MALRD1: variants seen among roughly 807,000 people sequenced by gnomAD.
MALRD1 encodes MAM and LDL-receptor class A domain-containing protein 1.
A neutral mutation model predicts 242.1 loss-of-function variants in MALRD1; 247 were observed. The ratio of observed to expected loss-of-function variants is 1.02; its 90% CI spans 0.92 to 1.13. The LOEUF is 1.13. Ranked by LOEUF, MALRD1 falls within the 50% of genes most tolerant of loss-of-function variation. The probability of loss-of-function intolerance (pLI) is 0.00; values close to 1 mark genes in which losing one functional copy is unlikely to be tolerated. For missense variants in MALRD1, 2,989 were observed against 2,533.1 expected, an observed-to-expected ratio of 1.18 and a Z score of -3.86; for synonymous variants, 995 against 866.6, an observed-to-expected ratio of 1.15 and a Z score of -2.60.
chr10:19,393,914 C>G (rs1381156562), intron 28 of MALRD1, among the ~76,000 whole-genome samples: 1 of 152,138 alleles, frequency 6.6e-6, no homozygotes, highest in Non-Finnish European at 1.5e-5. Flanking sequence ...ATCTTTTCAA[C>G]CAGCCTTTTG....
chr10:19,294,197 T>C (rs1841583411), intron 21 of MALRD1, among the ~76,000 whole-genome samples: 1 of 152,230 alleles, frequency 6.6e-6, no homozygotes, highest in Non-Finnish European at 1.5e-5. Flanking sequence ...AAATATGCTT[T>C]TCCTTTAACC....
intron 5 of MALRD1, among the ~76,000 whole-genome samples, chr10:19,118,674 G>A (rs1836959536): frequency 6.6e-6 from 1 of 152,174 alleles, no homozygotes; most frequent in African/African-American, 2.4e-5. Context: ...AGGGAGGAGG[G>A]TATAATGAGG....
chr10:19,239,472 C>A (rs1181318175), intron 18 of MALRD1, among the ~76,000 whole-genome samples: 2 of 152,048 alleles, frequency 1.3e-5, no homozygotes, highest in African/African-American at 4.8e-5. Context: ...GTTAAGTTTC[C>A]TTTGCTGTGC....
chr10:19,073,184 G>C (rs1018436223), intron 2 of MALRD1, among the ~76,000 whole-genome samples: 5 of 152,024 alleles, frequency 3.3e-5, no homozygotes, highest in Non-Finnish European at 7.4e-5. Context: ...CGAAGTGCTG[G>C]AATTACAGGC....
chr10:19,348,142 C>A, intron 25 of MALRD1, 124 bp downstream of exon 25: 1 of 1,300,266 alleles, frequency 7.7e-7, no homozygotes, highest in Non-Finnish European at 1.0e-6. Context: ...ATTTATTCAA[C>A]TTTGGATATG....
At chr10:19,404,754 G>T (rs1847016350) in intron 28 of MALRD1, among the ~76,000 whole-genome samples, 1 of 152,012 alleles carries the variant, frequency 6.6e-6, no homozygotes, top group South Asian at 2.1e-4. Flanking sequence ...GAAATAATTT[G>T]TTTAAAAAAT....
chr10:19,554,460 A>C (rs563561845), intron 32 of MALRD1, among the ~76,000 whole-genome samples: 2 of 152,258 alleles, frequency 1.3e-5, no homozygotes, highest in Non-Finnish European at 2.9e-5. Flanking sequence ...AATGTGTACC[A>C]TGGTAGTTTG....
chr10:19,117,548 G>A (rs951468345), intron 5 of MALRD1, among the ~76,000 whole-genome samples: 4 of 151,978 alleles, frequency 2.6e-5, no homozygotes, highest in African/African-American at 4.8e-5. Context: ...AGGGACAGAA[G>A]ATTTGTAGCT....
At chr10:19,248,411 T>C (rs1839159187) in intron 18 of MALRD1, among the ~76,000 whole-genome samples, 1 of 151,346 alleles carries the variant, frequency 6.6e-6, no homozygotes, top group Admixed American at 6.6e-5. Context: ...AAATAAAGTG[T>C]GACACATGTA....
In MALRD1 at chr10:19,535,530, TATATAC is replaced by T. The variant is rs1269448997; in HGVS notation, c.5478+4191_5478+4196del. Among the ~76,000 whole-genome samples, 9 of 150,212 alleles carry T rather than the reference TATATAC, an allele frequency of 6.0e-5. No individual in the cohort carries two copies. In the South Asian group the frequency reaches 8.3e-4, roughly 14 times the overall value. On this transcript the variant is annotated intron_variant, in intron 32 of 39. Transcript: ENST00000454679. ...ATACACATATATACATGTGTATATG[TATATAC>T]ATATACATATATATACACATATGTA...
chr10:19,687,176 G>C (rs543529091), intron 36 of MALRD1, among the ~76,000 whole-genome samples: 42 of 152,162 alleles, frequency 2.8e-4, no homozygotes, highest in African/African-American at 9.6e-4. Context: ...AATTTAGACT[G>C]ATGTGTCTTA....
chr10:19,239,704 T>C (rs1838672148), intron 18 of MALRD1, among the ~76,000 whole-genome samples: 2 of 152,296 alleles, frequency 1.3e-5, no homozygotes, highest in South Asian at 4.1e-4. Flanking sequence ...TCTAATTTCA[T>C]TATCCCACAT....
intron 18 of MALRD1, among the ~76,000 whole-genome samples, chr10:19,233,264 G>A (rs1017705665): frequency 6.6e-6 from 1 of 152,166 alleles, no homozygotes; most frequent in African/African-American, 2.4e-5. Context: ...CTCTTTGGGA[G>A]GCCGAGGTGG....
At chr10:19,631,541 CT>C (rs1178353453) in intron 36 of MALRD1, among the ~76,000 whole-genome samples, 3 of 152,072 alleles carry the variant, frequency 2.0e-5, no homozygotes, top group African/African-American at 7.2e-5. Flanking sequence ...AATGGTAGCT[CT>C]GTTTTAGTTC....
chr10:19,378,878 G>C (rs1845716051), intron 26 of MALRD1, among the ~76,000 whole-genome samples: 1 of 151,904 alleles, frequency 6.6e-6, no homozygotes, highest in Non-Finnish European at 1.5e-5. Context: ...GTACATGTTG[G>C]GTTACTATTC....
In MALRD1 at chr10:19,259,471, A is replaced by T. The variant is rs2484085; in HGVS notation, c.3079+1700A>T. On this transcript the variant is annotated intron_variant, in intron 19 of 39. Transcript: ENST00000454679. ...AGAAGGTGAAGGAGGAGCAAAGTCA[A>T]GTCTTACAAGTTATAGGCAAAGAGA... Among the ~76,000 whole-genome samples the T allele has an allele frequency of 4.6e-5, 7 of 152,094 alleles. No individual in the cohort carries two copies. The East Asian group carries it at 1.4e-3, about 29-fold the overall frequency.
chr10:19,068,539 C>T (rs1466444613), intron 2 of MALRD1, among the ~76,000 whole-genome samples: 1 of 151,994 alleles, frequency 6.6e-6, no homozygotes, highest in East Asian at 1.9e-4. Flanking sequence ...ATGCAAGCTG[C>T]ATAGGAAAAA....
rs115608097 is a variant in MALRD1 at position 19,469,345 on chromosome 10, A to G, written c.5029+18855A>G. Reference sequence around the variant, plus strand: ...GGAAGTCACTACCATGTCTTTTATGATAATGATCTTCTTGACTTTTTTAGT... The same window carrying G: ...GGAAGTCACTACCATGTCTTTTATGGTAATGATCTTCTTGACTTTTTTAGT... On this transcript the variant is annotated intron_variant, in intron 29 of 39. Coordinates refer to ENST00000454679, the MANE Select transcript of MALRD1 (RefSeq NM_001142308.3). Among the ~76,000 whole-genome samples the G allele has an allele frequency of 1.8e-3, 271 of 152,250 alleles. 1 individual carries two copies. The highest frequency in any genetic ancestry group is 6.2e-3 in the African/African-American group (257 of 41,572).
rs144712154 is a variant in MALRD1 at position 19,715,352 on chromosome 10, A to G, written c.6315-15354A>G. Among the ~76,000 whole-genome samples, 359 of 150,806 alleles carry G rather than the reference A, an allele frequency of 2.4e-3. 10 individuals are homozygous for G. The East Asian group carries it at 0.051, about 21-fold the overall frequency. ...TTTAAAATGACAAGATATCCATTATAACTTATTATGAAAACATATTTGTAT... is the reference window on the plus strand; with the variant it reads ...TTTAAAATGACAAGATATCCATTATGACTTATTATGAAAACATATTTGTAT... On this transcript the variant is annotated intron_variant, in intron 38 of 39. Coordinates refer to ENST00000454679, the MANE Select transcript of MALRD1 (RefSeq NM_001142308.3).
Sources: gnomAD v4.1 joint callset for allele counts (sites outside exome capture counted in the v4.1 genomes callset) on GRCh38, gnomAD v4.1.1 for gene constraint, MANE v1.5 for transcripts, NCBI Gene and HGNC (gene_info 2026-07-23, HGNC 2026-07-21) for gene names.